The following JAKMIP1 variants were observed in gnomAD, a reference collection of about 807,000 sequenced individuals.
The protein encoded by JAKMIP1 is janus kinase and microtubule-interacting protein 1.
JAKMIP1 carries 33 observed loss-of-function variants against 113.0 expected under a neutral mutation model. The ratio of observed to expected loss-of-function variants is 0.29; its 90% CI spans 0.22 to 0.39. The LOEUF is 0.39. Among genes scored for constraint, JAKMIP1 ranks in the 10% least tolerant of loss-of-function variants. The pLI is 1.00. For missense variants in JAKMIP1, 813 were observed against 1,080.5 expected, an observed-to-expected ratio of 0.75 and a Z score of 3.47; for synonymous variants, 480 against 459.9, an observed-to-expected ratio of 1.04 and a Z score of -0.56.
intron 19 of JAKMIP1, among the ~76,000 whole-genome samples, chr4:6,035,041 C>T (rs1269992133): frequency 6.6e-6 from 1 of 152,144 alleles, no homozygotes; most frequent in Non-Finnish European, 1.5e-5. Context: ...TCTAGCCTGC[C>T]CTCCAGATTG....
Position 6,116,717 on chromosome 4 carries a change from G to A in JAKMIP1, c.-147-3720C>T, listed in dbSNP as rs1040322033. On this transcript the variant is annotated intron_variant, in intron 1 of 20. Coordinates refer to ENST00000409021, the MANE Select transcript of JAKMIP1 (RefSeq NM_001099433.2). This position sits in a 1 kb window ranked among gnomAD's most constrained non-coding sequence, Gnocchi z 5.1. ...ACTGCCTACAGGAAATTAATATACC[G>A]GGCATGCAGGAGGACCAGACAAGGT... Among the ~76,000 whole-genome samples, 16 of 152,118 alleles carry A rather than the reference G, an allele frequency of 1.1e-4. No homozygotes were observed. Among genetic ancestry groups the A allele is most frequent in the African/African-American group, 2.2e-4 (9 of 41,412 alleles).
chr4:6,081,748 C>T lies in JAKMIP1; in HGVS notation c.962G>A (p.Arg321His). 4 of 1,614,142 alleles carry T rather than the reference C, an allele frequency of 2.5e-6. No individual in the cohort carries two copies. Among genetic ancestry groups the T allele is most frequent in the Non-Finnish European group, 2.5e-6 (3 of 1,180,026 alleles). Residue 321 changes from arginine to histidine, a missense_variant, in exon 6 of 21, where the codon CGC becomes CAC. Arg to His is a conservative substitution (Grantham distance 29). Transcript: ENST00000409021. The surrounding 1 kb of genome is among the most constrained non-coding windows in gnomAD (Gnocchi z 4.6). ...CAGCTGAACCTCGGTCTCTCGTGAG[C>T]GTTTCAGCTGTGGTTGGAAACAGAC... Reference protein sequence around the residue: ...LADERNELLKRSRETEVQLKP... With the variant: ...LADERNELLKHSRETEVQLKP...
chr4:6,102,523 T>C (rs114282376), intron 3 of JAKMIP1, among the ~76,000 whole-genome samples: 2,190 of 152,156 alleles, frequency 0.014, 49 homozygotes, highest in African/African-American at 0.049. Flanking sequence ...AACTGGACCC[T>C]TGCCAGATAG....
At chr4:6,103,190 T>C (rs956148346) in intron 3 of JAKMIP1, among the ~76,000 whole-genome samples, 18 of 152,168 alleles carry the variant, frequency 1.2e-4, no homozygotes, top group African/African-American at 4.1e-4. Flanking sequence ...ATTCCATTCT[T>C]TTCCTGGTTT....
rs1714728205 is a variant in JAKMIP1 at position 6,044,393 on chromosome 4, C to T, written c.2029-2166G>A. Among the ~76,000 whole-genome samples, 1 of 152,026 alleles carries T rather than the reference C, an allele frequency of 6.6e-6. No individual in the cohort carries two copies. Among genetic ancestry groups the T allele is most frequent in the Non-Finnish European group, 1.5e-5 (1 of 68,000 alleles). On this transcript the variant is annotated intron_variant, in intron 16 of 20. Transcript: ENST00000409021. This position sits in a 1 kb window ranked among gnomAD's most constrained non-coding sequence, Gnocchi z 4.4. ...CAGAGGGGACTAGAACTGATCGGCTCCTGCCACAGAACTCCTTCCCTAACG... is the reference window on the plus strand; with the variant it reads ...CAGAGGGGACTAGAACTGATCGGCTTCTGCCACAGAACTCCTTCCCTAACG...
At chr4:6,124,575 C>T (rs1717156938) in intron 1 of JAKMIP1, among the ~76,000 whole-genome samples, 1 of 152,220 alleles carries the variant, frequency 6.6e-6, no homozygotes, top group Admixed American at 6.5e-5. Context: ...GGCCTATATG[C>T]CAATCCATCC....
At chr4:6,091,412 A>C (rs1185015992) in intron 3 of JAKMIP1, among the ~76,000 whole-genome samples, 1 of 152,242 alleles carries the variant, frequency 6.6e-6, no homozygotes, top group African/African-American at 2.4e-5. Flanking sequence ...TAACAGAAGA[A>C]CACATTTTAC....
At chr4:6,102,300 G>C (rs1713172899) in intron 3 of JAKMIP1, among the ~76,000 whole-genome samples, 1 of 152,178 alleles carries the variant, frequency 6.6e-6, no homozygotes. Flanking sequence ...TTCTGAATGT[G>C]TCTCACAAAA....
intron 1 of JAKMIP1, among the ~76,000 whole-genome samples, chr4:6,127,777 A>C (rs1257124294): frequency 6.6e-6 from 1 of 152,076 alleles, no homozygotes; most frequent in East Asian, 1.9e-4. Context: ...AGGAGGCCCC[A>C]CTCGGGCTCA....
chr4:6,027,610 G>A (rs1257779865), intron 20 of JAKMIP1, among the ~76,000 whole-genome samples: 2 of 152,286 alleles, frequency 1.3e-5, no homozygotes, highest in East Asian at 1.9e-4. Flanking sequence ...TACAGGCCTC[G>A]TCAGGCATCC....
In JAKMIP1 at chr4:6,150,628, C is replaced by G. The variant is rs1369553211; in HGVS notation, c.-147-37631G>C. 6.6e-6 allele frequency: 1 copy of G among 152,252 alleles called. No homozygotes were observed. The highest frequency in any genetic ancestry group is 1.5e-5 in the Non-Finnish European group (1 of 68,064). The allele number at this position is 152,252 out of a possible 1,614,324, so 9.4% of individuals were successfully genotyped here. A position where few individuals can be genotyped will look rare whatever the true frequency, so the allele number is the denominator to read the frequency against. The stretch of plus-strand genomic sequence containing the variant: ...GAACAGACCACGGGGCCGGCAGCAC[C>G]TGCATCAGCGTCTGTCTGGCTTCCT... On this transcript the variant is annotated intron_variant, in intron 1 of 20. Transcript: ENST00000409021. This position sits in a 1 kb window ranked among gnomAD's most constrained non-coding sequence, Gnocchi z 4.8.
At chr4:6,119,379 C>T (rs1008957928) in intron 1 of JAKMIP1, among the ~76,000 whole-genome samples, 6 of 152,210 alleles carry the variant, frequency 3.9e-5, no homozygotes, top group South Asian at 2.1e-4. Flanking sequence ...ACCCCCCTCT[C>T]GGCTAAATGT....
intron 1 of JAKMIP1, among the ~76,000 whole-genome samples, chr4:6,133,607 C>T (rs1456349430): frequency 2.6e-5 from 4 of 152,110 alleles, no homozygotes; most frequent in East Asian, 3.9e-4. Flanking sequence ...GGGCAGGGGG[C>T]GCATGGAGGG....
In JAKMIP1 at chr4:6,129,910, C is replaced by T. The variant is rs991061488; in HGVS notation, c.-147-16913G>A. 1.3e-5 allele frequency among the ~76,000 whole-genome samples: 2 copies of T among 152,164 alleles called. No homozygotes were observed. Among genetic ancestry groups the T allele is most frequent in the African/African-American group, 4.8e-5 (2 of 41,448 alleles). On this transcript the variant is annotated intron_variant, in intron 1 of 20. Transcript: ENST00000409021. The surrounding 1 kb of genome is among the most constrained non-coding windows in gnomAD (Gnocchi z 5.4). ...ACACTGCAACAGCTGACCACCACAA[C>T]GACCCTGCCCTCAACAGCCTCCTTC...
intron 9 of JAKMIP1, among the ~76,000 whole-genome samples, chr4:6,063,546 G>A (rs992899153): frequency 6.6e-6 from 1 of 152,164 alleles, no homozygotes; most frequent in Non-Finnish European, 1.5e-5. Context: ...GTGGGCTGAC[G>A]GGGAGGATGG....
At chr4:6,038,722 C>A (rs1713899066) in intron 18 of JAKMIP1, among the ~76,000 whole-genome samples, 1 of 152,242 alleles carries the variant, frequency 6.6e-6, no homozygotes, top group African/African-American at 2.4e-5. Context: ...AGGCTGGAAT[C>A]TGTTCCCTGG....
Position 6,199,185 on chromosome 4 carries a change from G to A in JAKMIP1, c.-148+1068C>T, listed in dbSNP as rs1728177040. Among the ~76,000 whole-genome samples, 1 of 152,268 alleles carries A rather than the reference G, an allele frequency of 6.6e-6. No individual in the cohort carries two copies. Among genetic ancestry groups the A allele is most frequent in the Admixed American group, 6.5e-5 (1 of 15,294 alleles). On this transcript the variant is annotated intron_variant, in intron 1 of 20. Coordinates refer to ENST00000409021, the MANE Select transcript of JAKMIP1 (RefSeq NM_001099433.2). The surrounding 1 kb of genome is among the most constrained non-coding windows in gnomAD (Gnocchi z 5.6). ...GTGCCTGCGAGTGTGCGCAGATGGGGCGGGCGGCGGAGGAGGGCTGGCGGT... is the reference window on the plus strand; with the variant it reads ...GTGCCTGCGAGTGTGCGCAGATGGGACGGGCGGCGGAGGAGGGCTGGCGGT...
At chr4:6,175,617 C>T (rs1238085449) in intron 1 of JAKMIP1, among the ~76,000 whole-genome samples, 2 of 152,218 alleles carry the variant, frequency 1.3e-5, no homozygotes, top group Non-Finnish European at 2.9e-5. Flanking sequence ...TGAGGACTCA[C>T]TCCAGCATGG....
At chr4:6,107,332 A>G (rs953781786) in intron 2 of JAKMIP1, among the ~76,000 whole-genome samples, 10 of 152,272 alleles carry the variant, frequency 6.6e-5, no homozygotes, top group African/African-American at 2.4e-4. Context: ...TGAGATCCTA[A>G]TCTGCTTTGA....
Sources: allele counts gnomAD v4.1 joint callset (sites outside exome capture counted in the v4.1 genomes callset), GRCh38; gene constraint gnomAD v4.1.1; non-coding constraint Gnocchi (gnomAD v3.1); transcripts MANE v1.5; gene names NCBI Gene and HGNC (gene_info 2026-07-23, HGNC 2026-07-21).